The following DESI1 variants were observed in gnomAD, a reference collection of about 807,000 sequenced individuals.
DESI1 encodes desumoylating isopeptidase 1, also known as PPPDE peptidase domain containing 2.
A neutral mutation model predicts 22.4 loss-of-function variants in DESI1; 17 were observed. The observed-to-expected ratio is 0.76, with a 90% CI of 0.52 to 1.14. The LOEUF (loss-of-function observed/expected upper bound fraction) is 1.14. Ranked by LOEUF, DESI1 falls within the 50% of genes most tolerant of loss-of-function variation. DESI1 has a pLI of 0.00. For synonymous variants in DESI1, 92 were observed against 84.2 expected, an observed-to-expected ratio of 1.09 and a Z score of -0.51; for missense variants, 177 against 208.9, an observed-to-expected ratio of 0.85 and a Z score of 0.94.
chr22:41,602,840 G>A (rs2067457111), intron 5 of DESI1: 2 of 1,049,972 alleles, frequency 1.9e-6, no homozygotes, highest in Admixed American at 4.8e-5. Flanking sequence ...AGAGTTCATG[G>A]TGCAGTGTAA....
rs1363329837 is a variant in DESI1 at position 41,601,056 on chromosome 22, G to T, written c.*41C>A. 1.3e-6 allele frequency: 2 copies of T among 1,557,796 alleles called. No individual in the cohort carries two copies. The highest frequency in any genetic ancestry group is 1.8e-6 in the Non-Finnish European group (2 of 1,134,836). On this transcript the variant is annotated 3_prime_UTR_variant, in exon 6 of 6. Transcript: ENST00000263256. ...TGGTAGGGTTTGTTTTGTTTAAAAA[G>T]GAAAAGCCCTGGTGAGGCAGGGCGG... is the stretch of plus-strand genomic sequence containing the variant.
Position 41,620,706 on chromosome 22 carries a change from T to C in DESI1, c.88+46A>G, listed in dbSNP as rs764218477. ...CCCACCTCGGCCAGCCGCCACCCTC[T>C]GGCCTGGCTCCCGCCCTCCTGCCCA... On this transcript the variant is annotated intron_variant, in intron 1 of 5. Transcript: ENST00000263256. 31 of 1,563,336 alleles carry C rather than the reference T, an allele frequency of 2.0e-5. No individual in the cohort carries two copies. In the African/African-American group the frequency reaches 3.8e-4, roughly 19 times the overall value.
chr22:41,604,201 A>G (rs1432080495), intron 3 of DESI1, 48 bp from the exon 4 acceptor site: 2 of 1,508,536 alleles, frequency 1.3e-6, no homozygotes, highest in Non-Finnish European at 1.8e-6. Flanking sequence ...ATCTCCACTG[A>G]ATGTTTTAAT....
chr22:41,608,268 G>C (rs990580062), intron 1 of DESI1, among the ~76,000 whole-genome samples: 7 of 152,258 alleles, frequency 4.6e-5, no homozygotes, highest in Middle Eastern at 3.4e-3. Flanking sequence ...CTTTGCAAAT[G>C]CTATCCATTT....
chr22:41,614,881 C>T (rs1164566036), intron 1 of DESI1, among the ~76,000 whole-genome samples: 3 of 150,180 alleles, frequency 2.0e-5, no homozygotes, highest in African/African-American at 4.9e-5. Flanking sequence ...CACCTCACCC[C>T]ACCTTGTTTT....
chr22:41,613,910 A>G (rs2067533058), intron 1 of DESI1, among the ~76,000 whole-genome samples: 1 of 152,190 alleles, frequency 6.6e-6, no homozygotes, highest in Non-Finnish European at 1.5e-5. Flanking sequence ...CCTTTGTATC[A>G]TCACTGAATT....
chr22:41,604,599 G>C (rs1178606811), intron 3 of DESI1, among the ~76,000 whole-genome samples: 1 of 152,008 alleles, frequency 6.6e-6, no homozygotes, highest in African/African-American at 2.4e-5. Context: ...AATGTGATTT[G>C]CTATTTGTAT....
In DESI1 at chr22:41,603,457, T is replaced by A. The variant is rs1232021214; in HGVS notation, c.291-76A>T. 4.4e-6 allele frequency: 7 copies of A among 1,601,928 alleles called. No individual in the cohort carries two copies. The African/African-American group carries it at 9.4e-5, about 21-fold the overall frequency. On this transcript the variant is annotated intron_variant, in intron 4 of 5. Transcript: ENST00000263256. ...ATGTGGAATAACTCAAGCTAGGCAG[T>A]GGAATGGTGAGCACAGCTCAATGTG...
chr22:41,601,777 G>A (rs953224853), intron 5 of DESI1, among the ~76,000 whole-genome samples: 2 of 152,134 alleles, frequency 1.3e-5, no homozygotes, highest in African/African-American at 2.4e-5. Flanking sequence ...GCAATGGCGT[G>A]ATCTCGGCTC....
At position 41,600,732 on chromosome 22, in the gene DESI1, C is replaced by T. The variant is rs1042689594; in HGVS notation, c.*365G>A. 36 of 217,438 alleles carry T rather than the reference C, an allele frequency of 1.7e-4. No homozygotes were observed. Among genetic ancestry groups the T allele is most frequent in the African/African-American group, 6.4e-4 (27 of 42,230 alleles). The allele number at this position is 217,438 out of a possible 1,614,324, so 13.5% of individuals were successfully genotyped here. On this transcript the variant is annotated 3_prime_UTR_variant, in exon 6 of 6. Coordinates refer to ENST00000263256, the MANE Select transcript of DESI1 (RefSeq NM_015704.3). ...ACAGGTGTTGGCAACTTGGGTAGAGCGTGAGTGTTCTCTGGAAAGAGTTCT... is the reference window on the plus strand; with the variant it reads ...ACAGGTGTTGGCAACTTGGGTAGAGTGTGAGTGTTCTCTGGAAAGAGTTCT...
At chr22:41,608,900 T>A (rs543191018) in intron 1 of DESI1, among the ~76,000 whole-genome samples, 1 of 152,322 alleles carries the variant, frequency 6.6e-6, no homozygotes, top group South Asian at 2.1e-4. Flanking sequence ...CACGGCGACA[T>A]GGCAGATTAC....
At chr22:41,603,112 G>A in intron 5 of DESI1, 147 bp downstream of exon 5, 1 of 1,219,850 alleles carries the variant, frequency 8.2e-7, no homozygotes, top group South Asian at 1.4e-5. Context: ...TGGGTGGAGA[G>A]AATGGCAGCC....
At chr22:41,617,801 C>T (rs1016413609) in intron 1 of DESI1, among the ~76,000 whole-genome samples, 6 of 152,178 alleles carry the variant, frequency 3.9e-5, no homozygotes, top group African/African-American at 1.2e-4. Context: ...CAGGACTTTA[C>T]ATCTATATAA....
chr22:41,600,865 A>C lies in DESI1; in HGVS notation c.*232T>G, dbSNP rs565669500. 209 of 490,356 alleles carry C rather than the reference A, an allele frequency of 4.3e-4. 1 individual carries two copies. The highest frequency in any genetic ancestry group is 3.7e-3 in the African/African-American group (188 of 50,688). The allele number at this position is 490,356 out of a possible 1,614,324, so 30.4% of individuals were successfully genotyped here. A position where few individuals can be genotyped will look rare whatever the true frequency, so the allele number is the denominator to read the frequency against. On this transcript the variant is annotated 3_prime_UTR_variant, in exon 6 of 6. Coordinates refer to ENST00000263256, the MANE Select transcript of DESI1 (RefSeq NM_015704.3). ...AACAGCATCCGAAGTGAACGCACAG[A>C]CAAGACAGCCTTAATAAATTAGTAT...
chr22:41,618,104 T>G (rs2067561012), intron 1 of DESI1, among the ~76,000 whole-genome samples: 1 of 152,208 alleles, frequency 6.6e-6, no homozygotes, highest in African/African-American at 2.4e-5. Context: ...GGCTCATGCC[T>G]GTAATCCTAG....
rs1271872382 is a variant in DESI1 at position 41,598,853 on chromosome 22, T to C, written c.*2244A>G. The C allele has an allele frequency of 6.6e-6, 1 of 152,332 alleles. No individual in the cohort carries two copies. Among genetic ancestry groups the C allele is most frequent in the Non-Finnish European group, 1.5e-5 (1 of 68,112 alleles). 9.4% of individuals were successfully genotyped at this position (152,332 alleles called of 1,614,324 possible). Reference sequence around the variant, plus strand: ...AATTCTTTCTCTTTGGGCCCAATTCTGCTAGTAGATCACGATTATACAACA... The same window carrying C: ...AATTCTTTCTCTTTGGGCCCAATTCCGCTAGTAGATCACGATTATACAACA... On this transcript the variant is annotated 3_prime_UTR_variant, in exon 6 of 6. Coordinates refer to ENST00000263256, the MANE Select transcript of DESI1 (RefSeq NM_015704.3).
intron 1 of DESI1, among the ~76,000 whole-genome samples, chr22:41,612,616 G>A (rs1281790352): frequency 2.7e-5 from 4 of 147,784 alleles, no homozygotes; most frequent in Non-Finnish European, 6.0e-5. Context: ...TTTTTTTTGA[G>A]ACAGGGTCTT....
chr22:41,604,064 G>T lies in DESI1; in HGVS notation c.270C>A (p.Ser90=). ...CTCACCGGAACAGGGACTCCCCCAG[G>T]GAGGAGAGGTACTCCAGAAAGATTT... ...TEEIFLEYLS[S]LGESLFRGEA... is the part of the protein sequence containing the mutation. The change falls in exon 4 of 6, where the codon TCC becomes TCA. Residue 90 remains serine (S), a synonymous_variant. Transcript: ENST00000263256. The T allele has an allele frequency of 6.2e-7, 1 of 1,613,616 alleles. No homozygotes were observed.
intron 3 of DESI1, among the ~76,000 whole-genome samples, chr22:41,605,865 G>A (rs1484135888): frequency 6.6e-6 from 1 of 152,222 alleles, no homozygotes; most frequent in African/African-American, 2.4e-5. Context: ...GATCAGGGAA[G>A]ACTTGCCTGA....
Sources: gnomAD v4.1 joint callset for allele counts (sites outside exome capture counted in the v4.1 genomes callset) on GRCh38, gnomAD v4.1.1 for gene constraint, MANE v1.5 for transcripts, NCBI Gene and HGNC (gene_info 2026-07-23, HGNC 2026-07-21) for gene names.